The following FRYL variants were observed in gnomAD, a reference collection of about 807,000 sequenced individuals.
The protein encoded by FRYL is FRY like transcription coactivator, also known as protein furry homolog-like.
In FRYL, 150 loss-of-function variants were observed where a neutral mutation model predicts 351.2. That is an observed-to-expected ratio of 0.43 (90% confidence interval 0.37 to 0.49). The LOEUF (loss-of-function observed/expected upper bound fraction) is 0.49, where lower values mean the gene tolerates loss of function less well. Ranked by LOEUF, FRYL falls within the 20% of genes least tolerant of loss-of-function variation. The pLI, the probability that FRYL is intolerant of heterozygous loss-of-function variation, is 0.00. For synonymous variants in FRYL, 1,153 were observed against 1,257.1 expected (o/e 0.92, Z 1.75); for missense variants, 3,036 against 3,619.3 (o/e 0.84, Z 4.13).
intron 1 of FRYL, among the ~76,000 whole-genome samples, chr4:48,757,861 C>G (rs1049857345): frequency 6.6e-6 from 1 of 152,166 alleles, no homozygotes; most frequent in Non-Finnish European, 1.5e-5. Context: ...GTAACCAAAA[C>G]AGCATGGTAC....
Position 48,515,049 on chromosome 4 carries a change from G to A in FRYL, c.7916C>T (p.Ala2639Val), listed in dbSNP as rs1018197162. 179 of 1,613,256 alleles carry A rather than the reference G, an allele frequency of 1.1e-4. 1 individual carries two copies. The Admixed American group carries it at 2.9e-3, about 26-fold the overall frequency. The change falls in exon 56 of 64, where the codon GCG (alanine) becomes GTG (valine). Residue 2639 changes from alanine (A) to valine (V), a missense_variant. Transcript: ENST00000358350. ...ELDERCEEEE[A>V]DFSGLSSQDE... is the part of the protein sequence containing the mutation. The stretch of plus-strand genomic sequence containing the variant: ...TCACCTAGACAGTCCGGAGAAATCC[G>A]CTTCTTCTTCTTCACATCTTTCATC...
At chr4:48,651,843 T>C (rs1031608600) in intron 3 of FRYL, among the ~76,000 whole-genome samples, 1 of 152,186 alleles carries the variant, frequency 6.6e-6, no homozygotes, top group African/African-American at 2.4e-5. Context: ...CCACAGATAC[T>C]GGTGAAATAA....
Position 48,509,929 on chromosome 4 carries a change from G to C in FRYL, c.8394+130C>G, listed in dbSNP as rs1363438127. 8.2e-6 allele frequency: 5 copies of C among 607,724 alleles called. No homozygotes were observed. In the African/African-American group the frequency reaches 9.4e-5, roughly 11 times the overall value. 37.6% of individuals were successfully genotyped at this position (607,724 alleles called of 1,614,324 possible). On this transcript the variant is annotated intron_variant, in intron 59 of 63. Coordinates refer to ENST00000358350, the MANE Select transcript of FRYL (RefSeq NM_015030.2). ...GCTGGATAGAGAGCTCAAAGAACCT[G>C]CTGCTCTCAGGAAAACCCTGAGGCA...
intron 1 of FRYL, among the ~76,000 whole-genome samples, chr4:48,763,731 A>T (rs1473203497): frequency 6.6e-6 from 1 of 152,200 alleles, no homozygotes; most frequent in Non-Finnish European, 1.5e-5. Context: ...ATCAGCCAAG[A>T]AAAGGGTACC....
intron 2 of FRYL, among the ~76,000 whole-genome samples, chr4:48,702,093 C>A (rs1312251709): frequency 1.3e-5 from 2 of 152,102 alleles, no homozygotes; most frequent in Admixed American, 6.5e-5. Flanking sequence ...AATGACTGAT[C>A]CACCACATGG....
chr4:48,664,875 C>T (rs918856559), intron 3 of FRYL, among the ~76,000 whole-genome samples: 1 of 152,170 alleles, frequency 6.6e-6, no homozygotes, highest in Admixed American at 6.5e-5. Flanking sequence ...GTTGCTGAAA[C>T]AGTTGGACCA....
chr4:48,706,344 A>C (rs1389958591), intron 2 of FRYL, among the ~76,000 whole-genome samples: 1 of 152,238 alleles, frequency 6.6e-6, no homozygotes, highest in Admixed American at 6.5e-5. Context: ...GTACTATAAC[A>C]TGAATGACCT....
Position 48,602,120 on chromosome 4 carries a change from G to A in FRYL, c.935C>T (p.Ala312Val). ...AAGGCAGGTAATTAGTGGATATAAAGCCTATAGGAGACGGGGAAAAGACAG... is the reference window on the plus strand; with the variant it reads ...AAGGCAGGTAATTAGTGGATATAAAACCTATAGGAGACGGGGAAAAGACAG... ...ELSSRKKHSL[A>V]LYPLITCLLC... The change falls in exon 13 of 64, where the codon GCT (alanine) becomes GTT (valine). Residue 312 changes from alanine (A) to valine (V), a missense_variant and splice_region_variant. Coordinates refer to ENST00000358350, the MANE Select transcript of FRYL (RefSeq NM_015030.2). 6.8e-7 allele frequency: 1 copy of A among 1,475,972 alleles called. No homozygotes were observed. 91.4% of individuals were successfully genotyped at this position (1,475,972 alleles called of 1,614,324 possible).
chr4:48,777,959 A>T (rs1776203120), intron 1 of FRYL, among the ~76,000 whole-genome samples: 1 of 152,188 alleles, frequency 6.6e-6, no homozygotes, highest in South Asian at 2.1e-4. Flanking sequence ...GCCAAAGCAG[A>T]AGGATCGCTT....
Position 48,549,661 on chromosome 4 carries a change from A to G in FRYL, c.4634-38T>C, listed in dbSNP as rs776072577. 3.4e-5 allele frequency: 53 copies of G among 1,537,796 alleles called. No homozygotes were observed. Among genetic ancestry groups the G allele is most frequent in the Non-Finnish European group, 8.0e-6 (9 of 1,121,354 alleles). ...AATGATCTCATTTTCTACACCATCT[A>G]ATTTCTGCCAATATAAGCAAACTCT... is the stretch of plus-strand genomic sequence containing the variant. On this transcript the variant is annotated intron_variant, in intron 38 of 63. Transcript: ENST00000358350. This position sits in a 1 kb window ranked among gnomAD's most constrained non-coding sequence, Gnocchi z 4.2.
intron 3 of FRYL, among the ~76,000 whole-genome samples, chr4:48,677,403 G>T (rs1019733084): frequency 3.3e-5 from 5 of 151,440 alleles, no homozygotes; most frequent in African/African-American, 4.8e-5. Flanking sequence ...ACGATTTTTT[G>T]TGTGTGTGTT....
intron 5 of FRYL, 141 bp from the exon 6 acceptor site, chr4:48,620,919 A>C: frequency 1.3e-6 from 1 of 754,830 alleles, no homozygotes; most frequent in Non-Finnish European, 2.0e-6. Flanking sequence ...AGCAAGGGTC[A>C]AGGGTTTAGC....
At chr4:48,545,186 TG>T (rs1051951258) in intron 42 of FRYL, among the ~76,000 whole-genome samples, 1 of 152,220 alleles carries the variant, frequency 6.6e-6, no homozygotes, top group African/African-American at 2.4e-5. Flanking sequence ...ACTGCTTATG[TG>T]TTCCAGGTCA....
rs187473335 is a variant in FRYL at position 48,664,287 on chromosome 4, C to T, written c.-81+20386G>A. Among the ~76,000 whole-genome samples the T allele has an allele frequency of 1.3e-3, 203 of 152,096 alleles. 1 individual carries two copies. The highest frequency in any genetic ancestry group is 4.2e-3 in the African/African-American group (175 of 41,464). On this transcript the variant is annotated intron_variant, in intron 3 of 63. Transcript: ENST00000358350. Reference sequence around the variant, plus strand: ...ACAGGCCACTTGACTGGTTAGGTGGCGAGGGGACTTGCAGAGGACACAGTG... The same window carrying T: ...ACAGGCCACTTGACTGGTTAGGTGGTGAGGGGACTTGCAGAGGACACAGTG...
intron 1 of FRYL, among the ~76,000 whole-genome samples, chr4:48,720,531 A>G (rs1260423624): frequency 6.6e-6 from 1 of 152,024 alleles, no homozygotes; most frequent in Non-Finnish European, 1.5e-5. Flanking sequence ...TAAAATTAAA[A>G]TTTAAAAAAG....
chr4:48,521,183 T>A lies in FRYL; in HGVS notation c.7554A>T (p.Ile2518=). The change falls in exon 55 of 64, where the codon ATA becomes ATT. Residue 2518 remains isoleucine, a synonymous_variant. Coordinates refer to ENST00000358350, the MANE Select transcript of FRYL (RefSeq NM_015030.2). ...GGAGAAGTAAGTCAGGATGGTCTGG[T>A]ATTGTTTCATCAGTGGCAGAATCAC... is the stretch of plus-strand genomic sequence containing the variant. ...LNSDSATDET[I]PDHPDLLLQS... 3.1e-6 allele frequency: 5 copies of A among 1,611,708 alleles called. No homozygotes were observed. The highest frequency in any genetic ancestry group is 4.2e-6 in the Non-Finnish European group (5 of 1,178,584).
rs1381574217 is a variant in FRYL at position 48,578,861 on chromosome 4, A to G, written c.2528+112T>C. 3.5e-6 allele frequency: 3 copies of G among 848,302 alleles called. No individual in the cohort carries two copies. The African/African-American group carries it at 5.2e-5, about 15-fold the overall frequency. The allele number at this position is 848,302 out of a possible 1,614,324, so 52.5% of individuals were successfully genotyped here. A position where few individuals can be genotyped will look rare whatever the true frequency, so the allele number is the denominator to read the frequency against. The stretch of plus-strand genomic sequence containing the variant: ...CTCCTTAAGACATCAATGCAGTATC[A>G]CATATTATTTATGGGCCTTCCAATC... On this transcript the variant is annotated intron_variant, in intron 23 of 63. Coordinates refer to ENST00000358350, the MANE Select transcript of FRYL (RefSeq NM_015030.2).
At chr4:48,565,263 A>C (rs1322528232) in intron 29 of FRYL, among the ~76,000 whole-genome samples, 1 of 117,408 alleles carries the variant, frequency 8.5e-6, no homozygotes, top group African/African-American at 3.3e-5. Flanking sequence ...AAAAAGACCA[A>C]GAAAAAGTAA....
At position 48,603,387 on chromosome 4, in the gene FRYL, G is replaced by A. The variant is rs748653751; in HGVS notation, c.836C>T (p.Ala279Val). ...GGGAACATTCACTTCATTTTTAACAGCCTAGTAAAAAGATAATGCAAACAA... is the reference window on the plus strand; with the variant it reads ...GGGAACATTCACTTCATTTTTAACAACCTAGTAAAAAGATAATGCAAACAA... Reference protein sequence around the residue: ...FVEILIPVAAAVKNEVNVPCL... With the variant: ...FVEILIPVAAVVKNEVNVPCL... Residue 279 changes from alanine to valine, a missense_variant and splice_region_variant, in exon 12 of 64, where the codon GCT (alanine) becomes GTT (valine). By Grantham distance (64) the Ala-to-Val change is moderately conservative. Transcript: ENST00000358350. The A allele has an allele frequency of 2.5e-6, 4 of 1,581,738 alleles. No homozygotes were observed. The highest frequency in any genetic ancestry group is 2.2e-5 in the East Asian group (1 of 44,618).
Sources: allele counts gnomAD v4.1 joint callset (sites outside exome capture counted in the v4.1 genomes callset), GRCh38; gene constraint gnomAD v4.1.1; non-coding constraint Gnocchi (gnomAD v3.1); transcripts MANE v1.5; gene names NCBI Gene and HGNC (gene_info 2026-07-23, HGNC 2026-07-21).